Variants in ADCK5 observed in about 807,000 individuals in gnomAD.
ADCK5 encodes the protein uncharacterized aarF domain-containing protein kinase 5.
A neutral mutation model predicts 64.9 loss-of-function variants in ADCK5; 43 were observed. The observed-to-expected ratio is 0.66, with a 90% CI of 0.52 to 0.85. The LOEUF (loss-of-function observed/expected upper bound fraction) is 0.85. Among genes scored for constraint, ADCK5 ranks in the 40% least tolerant of loss-of-function variants. ADCK5 has a pLI of 0.00. For missense variants in ADCK5, 760 were observed against 810.5 expected (o/e 0.94, Z 0.76); for synonymous variants, 434 against 342.8 (o/e 1.27, Z -2.94).
chr8:144,393,037 C>A lies in ADCK5; in HGVS notation c.1706C>A (p.Pro569His). ...GCTCTGGTCCACCTGAGCCTCGTGCCCCCAGCGGAGGAGCTCTACCAGTAC... is the reference window on the plus strand; with the variant it reads ...GCTCTGGTCCACCTGAGCCTCGTGCACCCAGCGGAGGAGCTCTACCAGTAC... Reference protein sequence around the residue: ...ARALVHLSLVPPAEELYQYLE... With the variant: ...ARALVHLSLVHPAEELYQYLE... The change falls in exon 15 of 15, where the codon CCC becomes CAC. Residue 569 changes from proline (P) to histidine (H), a missense_variant. Physicochemically the swap from Pro to His is moderately conservative, Grantham distance 77. Coordinates refer to ENST00000308860, the MANE Select transcript of ADCK5 (RefSeq NM_174922.5). 1 of 1,589,300 alleles carries A rather than the reference C, an allele frequency of 6.3e-7. No individual in the cohort carries two copies. Among genetic ancestry groups the A allele is most frequent in the Non-Finnish European group, 8.5e-7 (1 of 1,171,844 alleles).
rs782536387 is a variant in ADCK5 at position 144,392,144 on chromosome 8, C to G, written c.1149C>G (p.His383Gln). ...AAGCGGAGCTGGTGCTGCTGGACCA[C>G]GGGCTCTACCAGTTCCTGGAGGAGA... ...DGKAELVLLD[H>Q]GLYQFLEEKD... Residue 383 changes from histidine to glutamine, a missense_variant, in exon 11 of 15, where the codon CAC (histidine) becomes CAG (glutamine). Transcript: ENST00000308860. 1 of 1,324,956 alleles carries G rather than the reference C, an allele frequency of 7.5e-7. No homozygotes were observed. Among genetic ancestry groups the G allele is most frequent in the Non-Finnish European group, 1.0e-6 (1 of 999,612 alleles). 82.1% of individuals were successfully genotyped at this position (1,324,956 alleles called of 1,614,324 possible). A position where few individuals can be genotyped will look rare whatever the true frequency, so the allele number is the denominator to read the frequency against.
chr8:144,390,485 G>A (rs1554860146), intron 3 of ADCK5, among the ~76,000 whole-genome samples, 186 bp from the exon 4 acceptor site: 1 of 152,188 alleles, frequency 6.6e-6, no homozygotes. Context: ...CACCCCACGA[G>A]CTCAGCAGCA....
intron 3 of ADCK5, among the ~76,000 whole-genome samples, chr8:144,389,859 G>A (rs1163040446): frequency 2.2e-5 from 3 of 138,624 alleles, no homozygotes; most frequent in South Asian, 2.3e-4. Context: ...ACCGAGTTTC[G>A]CTCTTGTTGC....
At chr8:144,377,606 C>T (rs1819417046) in intron 1 of ADCK5, 1 of 152,270 alleles carries the variant, frequency 6.6e-6, no homozygotes, top group African/African-American at 2.4e-5. Flanking sequence ...CTTTGGCCTC[C>T]AAAAGTGCTG....
intron 3 of ADCK5, among the ~76,000 whole-genome samples, chr8:144,385,464 G>A (rs113782267): frequency 0.095 from 14,325 of 150,926 alleles, 923 homozygotes; most frequent in Middle Eastern, 0.25. Flanking sequence ...GATTACAGGT[G>A]TGAGCCACCA....
chr8:144,373,659 G>A (rs1210305189), upstream of ADCK5, among the ~76,000 whole-genome samples: 3 of 152,238 alleles, frequency 2.0e-5, no homozygotes, highest in Non-Finnish European at 1.5e-5. Context: ...GGCAGGTGGT[G>A]AGTTGGAGTC....
rs1820221672 is a variant in ADCK5, at chr8:144,391,433, G to A, written c.757G>A (p.Glu253Lys). 6.2e-7 allele frequency: 1 copy of A among 1,612,614 alleles called. No individual in the cohort carries two copies. The highest frequency in any genetic ancestry group is 8.5e-7 in the Non-Finnish European group (1 of 1,179,942). Reference sequence around the variant, plus strand: ...CCTGGAGCTCCTGCTGCGGCTCGTTGAGGTCATGCACCCCAGCTTTGGCTT... The same window carrying A: ...CCTGGAGCTCCTGCTGCGGCTCGTTAAGGTCATGCACCCCAGCTTTGGCTT... ...HTLELLLRLVEVMHPSFGFSW... is the reference protein window; with the variant it reads ...HTLELLLRLVKVMHPSFGFSW... The change falls in exon 7 of 15, where the codon GAG becomes AAG. Residue 253 changes from glutamate to lysine, a missense_variant. Physicochemically the swap from Glu to Lys is moderately conservative, Grantham distance 56. Coordinates refer to ENST00000308860, the MANE Select transcript of ADCK5 (RefSeq NM_174922.5).
In ADCK5 at chr8:144,384,663, C is replaced by A. The variant is rs1554858959; in HGVS notation, c.266+1433C>A. On this transcript the variant is annotated intron_variant, in intron 3 of 14. Coordinates refer to ENST00000308860, the MANE Select transcript of ADCK5 (RefSeq NM_174922.5). This position sits in a 1 kb window ranked among gnomAD's most constrained non-coding sequence, Gnocchi z 5.7. The stretch of plus-strand genomic sequence containing the variant: ...CAGGGCTGCCAGCCACCGTCCCCTG[C>A]AGCCTGGTTCTGAAATGTCGGCTTG... Among the ~76,000 whole-genome samples the A allele has an allele frequency of 6.6e-6, 1 of 152,232 alleles. No homozygotes were observed. Among genetic ancestry groups the A allele is most frequent in the African/African-American group, 2.4e-5 (1 of 41,468 alleles).
chr8:144,391,103 C>T (rs781968904), intron 5 of ADCK5, 31 bp from the exon 6 acceptor site: 1 of 1,610,538 alleles, frequency 6.2e-7, no homozygotes, highest in South Asian at 1.1e-5. Flanking sequence ...CAGCAGTGGC[C>T]CCAGGCTGCT....
At chr8:144,375,720 C>T (rs1048185680) in intron 1 of ADCK5, 13 of 932,538 alleles carry the variant, frequency 1.4e-5, no homozygotes, top group Non-Finnish European at 1.7e-5. Flanking sequence ...GAGGTGTTTC[C>T]GTTTGTGCAG....
chr8:144,373,881 G>C, upstream of ADCK5: 1 of 423,838 alleles, frequency 2.4e-6, no homozygotes, highest in Non-Finnish European at 3.9e-6. Context: ...GGCGCGGTCC[G>C]GGCGCCAAAA....
At chr8:144,378,223 C>T (rs1162944537) in intron 1 of ADCK5, among the ~76,000 whole-genome samples, 7 of 152,182 alleles carry the variant, frequency 4.6e-5, no homozygotes, top group African/African-American at 1.4e-4. Flanking sequence ...CTGGCATGAT[C>T]CCAGCGGTGC....
chr8:144,374,125 C>T lies in ADCK5; in HGVS notation c.12+18C>T. ...GGCGACCGGTGAGGACTCTCCCGGC[C>T]CGGGGCGCCCGAGATCCTGCACACC... On this transcript the variant is annotated intron_variant, in intron 1 of 14. Transcript: ENST00000308860. 8.0e-7 allele frequency: 1 copy of T among 1,248,522 alleles called. No homozygotes were observed. Among genetic ancestry groups the T allele is most frequent in the Non-Finnish European group, 1.0e-6 (1 of 988,836 alleles). 77.3% of individuals were successfully genotyped at this position (1,248,522 alleles called of 1,614,324 possible). A position where few individuals can be genotyped will look rare whatever the true frequency, so the allele number is the denominator to read the frequency against.
chr8:144,390,117 C>T (rs1554860083), intron 3 of ADCK5, among the ~76,000 whole-genome samples: 1 of 152,138 alleles, frequency 6.6e-6, no homozygotes, highest in African/African-American at 2.4e-5. Flanking sequence ...AGGCGTGAGC[C>T]ACTGTGCCCA....
At chr8:144,387,362 T>C (rs1360076604) in intron 3 of ADCK5, among the ~76,000 whole-genome samples, 4 of 152,172 alleles carry the variant, frequency 2.6e-5, no homozygotes, top group Non-Finnish European at 5.9e-5. Flanking sequence ...GTTGAGATGA[T>C]GTGTCTGTTC....
intron 6 of ADCK5, 23 bp from the exon 7 acceptor site, chr8:144,391,338 C>T (rs1554860478): frequency 2.5e-6 from 4 of 1,612,602 alleles, no homozygotes; most frequent in Admixed American, 1.7e-5. Flanking sequence ...CCCAAGTTCT[C>T]ACCACACCCT....
At chr8:144,380,456 G>A (rs1819561327) in intron 2 of ADCK5, among the ~76,000 whole-genome samples, 2 of 151,988 alleles carry the variant, frequency 1.3e-5, no homozygotes, top group African/African-American at 2.4e-5. Flanking sequence ...TGGGCTGGGT[G>A]TAGAAACAGA....
rs1554861485 is a variant in ADCK5, at chr8:144,392,701, G to A, written c.1520+4G>A. Reference sequence around the variant, plus strand: ...GCTACTTCCTTATGGCTAAAAGGTCGGTGGCCCGAGGAGGCGCCCGGGCCG... The same window carrying A: ...GCTACTTCCTTATGGCTAAAAGGTCAGTGGCCCGAGGAGGCGCCCGGGCCG... On this transcript the variant is annotated splice_donor_region_variant and intron_variant, in intron 13 of 14. Transcript: ENST00000308860. 3 of 1,592,164 alleles carry A rather than the reference G, an allele frequency of 1.9e-6. No individual in the cohort carries two copies. The highest frequency in any genetic ancestry group is 2.6e-6 in the Non-Finnish European group (3 of 1,169,216).
chr8:144,375,362 CT>C (rs1265642788), intron 1 of ADCK5: 117 of 773,258 alleles, frequency 1.5e-4, no homozygotes, highest in Non-Finnish European at 1.8e-4. Flanking sequence ...CAATCTGTCT[CT>C]TCCTAACTTT....
Sources: allele counts gnomAD v4.1 joint callset (sites outside exome capture counted in the v4.1 genomes callset), GRCh38; gene constraint gnomAD v4.1.1; non-coding constraint Gnocchi (gnomAD v3.1); transcripts MANE v1.5; gene names NCBI Gene and HGNC (gene_info 2026-07-23, HGNC 2026-07-21).